The following CARMIL1 variants were observed in gnomAD, a reference collection of about 807,000 sequenced individuals.
CARMIL1 encodes F-actin-uncapping protein LRRC16A.
A neutral mutation model predicts 177.1 loss-of-function variants in CARMIL1; 90 were observed. The observed-to-expected ratio is 0.51, with a 90% CI of 0.43 to 0.61. The LOEUF is 0.61. Among genes scored for constraint, CARMIL1 ranks in the 20% least tolerant of loss-of-function variants. The pLI is 0.00. For missense variants in CARMIL1, 1,380 were observed against 1,667.0 expected, an observed-to-expected ratio of 0.83 and a Z score of 3.00; for synonymous variants, 577 against 606.2, an observed-to-expected ratio of 0.95 and a Z score of 0.71.
At chr6:25,533,600 A>T (rs1807984033) in intron 24 of CARMIL1, among the ~76,000 whole-genome samples, 1 of 152,118 alleles carries the variant, frequency 6.6e-6, no homozygotes, top group Non-Finnish European at 1.5e-5. Flanking sequence ...CTTAAAACTC[A>T]GTTCTTAGTT....
chr6:25,370,193 C>T (rs538015143), intron 2 of CARMIL1: 1 of 152,328 alleles, frequency 6.6e-6, no homozygotes, highest in South Asian at 2.1e-4. Context: ...CATATAATTA[C>T]AGTAATTAAA....
intron 2 of CARMIL1, among the ~76,000 whole-genome samples, chr6:25,334,067 C>T (rs1420189757): frequency 6.6e-6 from 1 of 152,178 alleles, no homozygotes; most frequent in African/African-American, 2.4e-5. Flanking sequence ...GTTATTCTTT[C>T]TTCAAAGACT....
At chr6:25,413,319 G>C (rs1001114120) in intron 2 of CARMIL1, among the ~76,000 whole-genome samples, 1 of 152,214 alleles carries the variant, frequency 6.6e-6, no homozygotes, top group East Asian at 1.9e-4. Flanking sequence ...TTGGCACGTA[G>C]AGCCCAATTT....
At chr6:25,523,304 A>T (rs990845489) in intron 23 of CARMIL1, among the ~76,000 whole-genome samples, 1 of 152,236 alleles carries the variant, frequency 6.6e-6, no homozygotes, top group Non-Finnish European at 1.5e-5. Flanking sequence ...AAATAAAGCT[A>T]TGTAATAACT....
intron 2 of CARMIL1, among the ~76,000 whole-genome samples, chr6:25,351,978 A>C (rs533113452): frequency 5.9e-4 from 90 of 152,208 alleles, no homozygotes; most frequent in African/African-American, 2.1e-3. Context: ...AAACCATTTA[A>C]AATAAATAGA....
intron 13 of CARMIL1, among the ~76,000 whole-genome samples, chr6:25,489,009 AC>A (rs1802939185): frequency 6.6e-6 from 1 of 152,122 alleles, no homozygotes; most frequent in Non-Finnish European, 1.5e-5. Flanking sequence ...TACTAAAAAT[AC>A]AAAAATTAGC....
chr6:25,426,628 C>T (rs540386325), intron 4 of CARMIL1, 68 bp downstream of exon 4: 15 of 1,426,452 alleles, frequency 1.1e-5, no homozygotes, highest in Non-Finnish European at 1.5e-5. Flanking sequence ...CTAAAATGTT[C>T]CTTGAGACAA....
At position 25,279,793 on chromosome 6, in the gene CARMIL1, A is replaced by G. The variant is rs1780924629; in HGVS notation, c.-3A>G. On this transcript the variant is annotated 5_prime_UTR_variant, in exon 1 of 37. Transcript: ENST00000329474. Reference sequence around the variant, plus strand: ...CAATAACCCCCACACCTACAGGGCAACCATGACCGAGGAGAGCTCTGACGT... The same window carrying G: ...CAATAACCCCCACACCTACAGGGCAGCCATGACCGAGGAGAGCTCTGACGT... 4 of 1,613,876 alleles carry G rather than the reference A, an allele frequency of 2.5e-6. No homozygotes were observed. The highest frequency in any genetic ancestry group is 1.3e-5 in the African/African-American group (1 of 75,044).
At position 25,284,939 on chromosome 6, in the gene CARMIL1, G is replaced by A. The variant is rs191416474; in HGVS notation, c.138+30G>A. 189 of 1,312,684 alleles carry A rather than the reference G, an allele frequency of 1.4e-4. 1 individual carries two copies. In the African/African-American group the frequency reaches 1.6e-3, roughly 11 times the overall value. The allele number at this position is 1,312,684 out of a possible 1,614,324, so 81.3% of individuals were successfully genotyped here. A position where few individuals can be genotyped will look rare whatever the true frequency, so the allele number is the denominator to read the frequency against. ...GTATTGCTGTTTATTTTTATTAAAT[G>A]TTTGGAAATGAAAGTGTGTTTTCAT... On this transcript the variant is annotated intron_variant, in intron 2 of 36. Coordinates refer to ENST00000329474, the MANE Select transcript of CARMIL1 (RefSeq NM_017640.6).
At chr6:25,593,862 A>G (rs1814560319) in intron 31 of CARMIL1, among the ~76,000 whole-genome samples, 1 of 152,190 alleles carries the variant, frequency 6.6e-6, no homozygotes, top group African/African-American at 2.4e-5. Context: ...ATGCCTGTTA[A>G]TCACAGACAA....
At chr6:25,390,398 T>C (rs1792682103) in intron 2 of CARMIL1, among the ~76,000 whole-genome samples, 1 of 148,306 alleles carries the variant, frequency 6.7e-6, no homozygotes, top group Non-Finnish European at 1.5e-5. Flanking sequence ...CTTGGCTCAT[T>C]GCAACCTCTG....
intron 22 of CARMIL1, among the ~76,000 whole-genome samples, chr6:25,519,888 A>G (rs1462336167): frequency 6.6e-6 from 1 of 152,220 alleles, no homozygotes; most frequent in Non-Finnish European, 1.5e-5. Flanking sequence ...ACTAAAACCC[A>G]TGTAGCAAGT....
At position 25,441,333 on chromosome 6, in the gene CARMIL1, A is replaced by ATGTGTGTGTGTGTGTGTG. The variant is rs1211206689; in HGVS notation, c.371+5730_371+5731insGTGTGTGTGTGTGTGTGT. ...CAAACAAACAAACATATATATATAT[A>ATGTGTGTGTGTGTGTGTG]TATATGTGTGTGTGTGTGTGTGTGT... On this transcript the variant is annotated intron_variant, in intron 5 of 36. Coordinates refer to ENST00000329474, the MANE Select transcript of CARMIL1 (RefSeq NM_017640.6). 4.2e-4 allele frequency among the ~76,000 whole-genome samples: 28 copies of ATGTGTGTGTGTGTGTGTG among 66,964 alleles called. 1 individual carries two copies. The highest frequency in any genetic ancestry group is 1.3e-3 in the African/African-American group (24 of 19,008). 43.9% of individuals were successfully genotyped at this position (66,964 alleles called of 152,430 possible).
At chr6:25,412,584 A>G (rs924434621) in intron 2 of CARMIL1, among the ~76,000 whole-genome samples, 6 of 152,172 alleles carry the variant, frequency 3.9e-5, no homozygotes, top group African/African-American at 1.4e-4. Context: ...TCTTAAAGAG[A>G]AAAGGAGGAA....
chr6:25,301,662 G>T (rs1409233543), intron 2 of CARMIL1, among the ~76,000 whole-genome samples: 2 of 152,190 alleles, frequency 1.3e-5, no homozygotes, highest in Non-Finnish European at 2.9e-5. Flanking sequence ...CGTTGAAGCA[G>T]TGACTCTCAG....
Position 25,313,683 on chromosome 6 carries a change from G to GCATATATATATATATA in CARMIL1, c.138+28774_138+28775insCATATATATATATATA. Among the ~76,000 whole-genome samples the GCATATATATATATATA allele has an allele frequency of 4.0e-3, 528 of 133,548 alleles. 47 individuals carry two copies. The East Asian group carries it at 0.065, about 16-fold the overall frequency. The allele number at this position is 133,548 out of a possible 152,430, so 87.6% of individuals were successfully genotyped here. A position where few individuals can be genotyped will look rare whatever the true frequency, so the allele number is the denominator to read the frequency against. On this transcript the variant is annotated intron_variant, in intron 2 of 36. Coordinates refer to ENST00000329474, the MANE Select transcript of CARMIL1 (RefSeq NM_017640.6). ...TAAAGATCTTTACCCAGGGAAGGCT[G>GCATATATATATATATA]TATATATACAGTTATTTGGGAGAAA...
At chr6:25,459,936 T>G (rs1799988851) in intron 8 of CARMIL1, among the ~76,000 whole-genome samples, 2 of 152,226 alleles carry the variant, frequency 1.3e-5, no homozygotes, top group African/African-American at 4.8e-5. Flanking sequence ...TAGGAGTTTC[T>G]TAGGATGTCA....
intron 5 of CARMIL1, among the ~76,000 whole-genome samples, chr6:25,436,235 CTG>C (rs1797222229): frequency 6.6e-6 from 1 of 152,002 alleles, no homozygotes; most frequent in African/African-American, 2.4e-5. Flanking sequence ...ATTAGATTGA[CTG>C]AGGTGAAAGG....
chr6:25,609,508 T>G (rs1816319142), intron 35 of CARMIL1, among the ~76,000 whole-genome samples: 1 of 152,058 alleles, frequency 6.6e-6, no homozygotes, highest in South Asian at 2.1e-4. Flanking sequence ...TCCTAGCTAT[T>G]TAGTCATCTT....
Sources: allele counts gnomAD v4.1 joint callset (sites outside exome capture counted in the v4.1 genomes callset), GRCh38; gene constraint gnomAD v4.1.1; transcripts MANE v1.5; gene names NCBI Gene and HGNC (gene_info 2026-07-23, HGNC 2026-07-21).